The following PMFBP1 variants were observed in gnomAD, a reference collection of about 807,000 sequenced individuals.
The protein encoded by PMFBP1 is polyamine-modulated factor 1-binding protein 1.
A neutral mutation model predicts 137.8 loss-of-function variants in PMFBP1; 131 were observed. That is an observed-to-expected ratio of 0.95 (90% CI 0.82 to 1.10). PMFBP1 has a LOEUF of 1.10. Ranked by LOEUF, PMFBP1 falls within the 50% of genes least tolerant of loss-of-function variation. The pLI is 0.00. For missense variants in PMFBP1, 1,199 were observed against 1,175.4 expected, an observed-to-expected ratio of 1.02 and a Z score of -0.29; for synonymous variants, 490 against 450.4, an observed-to-expected ratio of 1.09 and a Z score of -1.11.
chr16:72,211,596 TAAAA>T, the PMFBP1 span, among the ~76,000 whole-genome samples: 4 of 151,632 alleles, frequency 2.6e-5, no homozygotes, highest in Non-Finnish European at 5.9e-5. Flanking sequence ...AAAATAAACT[TAAAA>T]AAGAAAAAAA....
chr16:72,168,278 G>C (rs1050450739), intron 2 of PMFBP1, among the ~76,000 whole-genome samples: 1 of 152,210 alleles, frequency 6.6e-6, no homozygotes, highest in Non-Finnish European at 1.5e-5. Flanking sequence ...TGCTGGGAGA[G>C]TGATCAGGTG....
At chr16:72,205,026 C>T in the PMFBP1 span, among the ~76,000 whole-genome samples, 1 of 152,210 alleles carries the variant, frequency 6.6e-6, no homozygotes, top group Admixed American at 6.5e-5. Flanking sequence ...GCCCTATGTA[C>T]TAACTACTCA....
At chr16:72,203,385 C>T in the PMFBP1 span, among the ~76,000 whole-genome samples, 1 of 152,270 alleles carries the variant, frequency 6.6e-6, no homozygotes, top group African/African-American at 2.4e-5. Flanking sequence ...TCCAACTTTC[C>T]AATGTTCCTT....
intron 6 of PMFBP1, among the ~76,000 whole-genome samples, chr16:72,139,954 T>G (rs1413338819): frequency 2.6e-5 from 4 of 152,182 alleles, no homozygotes; most frequent in Non-Finnish European, 5.9e-5. Flanking sequence ...GTATTGAAAA[T>G]TCAGTTTGTA....
At chr16:72,118,587 C>A (rs2042331131), downstream of PMFBP1, among the ~76,000 whole-genome samples, 1 of 152,184 alleles carries the variant, frequency 6.6e-6, no homozygotes, top group South Asian at 2.1e-4. Context: ...GTCTCCACTT[C>A]CTATAGACTA....
rs778205381 is a variant in PMFBP1 at position 72,130,185 on chromosome 16, G to A, written c.1782+28C>T. 2.5e-6 allele frequency: 4 copies of A among 1,607,902 alleles called. No individual in the cohort carries two copies. The South Asian group carries it at 4.4e-5, about 18-fold the overall frequency. On this transcript the variant is annotated intron_variant, in intron 12 of 20. Transcript: ENST00000237353. The stretch of plus-strand genomic sequence containing the variant: ...TTTATCTTAAGCAGAGCAAGCACTT[G>A]AATGGGCCATCTGCCTGCCCGTCAT...
chr16:72,176,567 G>T (rs993901491), upstream of PMFBP1, among the ~76,000 whole-genome samples: 1 of 152,174 alleles, frequency 6.6e-6, no homozygotes, highest in African/African-American at 2.4e-5. Context: ...ACAGCTCTTT[G>T]TTCTTCCCAC....
At chr16:72,154,044 T>C (rs913573877) in intron 4 of PMFBP1, among the ~76,000 whole-genome samples, 167 bp downstream of exon 4, 4 of 151,704 alleles carry the variant, frequency 2.6e-5, no homozygotes, top group Non-Finnish European at 5.9e-5. Flanking sequence ...TTAGTTTCCT[T>C]CTGCTCAGCT....
At chr16:72,237,688 G>C in the PMFBP1 span, among the ~76,000 whole-genome samples, 3 of 151,964 alleles carry the variant, frequency 2.0e-5, no homozygotes, top group Non-Finnish European at 2.9e-5. Flanking sequence ...GTGCAGGTTT[G>C]TTGTATAGGT....
At chr16:72,140,264 A>C (rs994140638) in intron 6 of PMFBP1, 148 bp downstream of exon 6, 4 of 790,608 alleles carry the variant, frequency 5.1e-6, no homozygotes, top group Non-Finnish European at 8.2e-6. Context: ...CATGGAGAAT[A>C]TGAACAAAGT....
At chr16:72,122,316 C>T (rs2144228974) in intron 19 of PMFBP1, among the ~76,000 whole-genome samples, 1 of 152,332 alleles carries the variant, frequency 6.6e-6, no homozygotes, top group South Asian at 2.1e-4. Context: ...TTGGGAAGCG[C>T]TGTCCTAAGG....
At chr16:72,221,064 T>C in the PMFBP1 span, among the ~76,000 whole-genome samples, 6 of 151,966 alleles carry the variant, frequency 3.9e-5, no homozygotes, top group African/African-American at 1.2e-4. Flanking sequence ...GGGTATGTGA[T>C]TGCGCTGAGA....
intron 3 of PMFBP1, among the ~76,000 whole-genome samples, chr16:72,155,986 T>C (rs1567637638): frequency 1.3e-5 from 2 of 152,030 alleles, no homozygotes; most frequent in Non-Finnish European, 2.9e-5. Context: ...TAAATAAAAA[T>C]ATATATTTAT....
chr16:72,130,671 A>T lies in PMFBP1; in HGVS notation c.1499T>A (p.Leu500Gln), dbSNP rs748324420. The change falls in exon 11 of 21, where the codon CTG becomes CAG. Residue 500 changes from leucine to glutamine, a missense_variant. Physicochemically the swap from Leu to Gln is moderately radical, Grantham distance 113. Transcript: ENST00000237353. The stretch of plus-strand genomic sequence containing the variant: ...CTGCAGTTTCCTCTGGGTGTCCTCC[A>T]GGTGACAGCCTGCCAGTGCAGCCTC... ...KEEAALAGCH[L>Q]EDTQRKLQKG... The T allele has an allele frequency of 2.5e-6, 4 of 1,613,888 alleles. No homozygotes were observed. Among genetic ancestry groups the T allele is most frequent in the Non-Finnish European group, 3.4e-6 (4 of 1,179,998 alleles).
At chr16:72,237,701 A>G in the PMFBP1 span, among the ~76,000 whole-genome samples, 1 of 151,924 alleles carries the variant, frequency 6.6e-6, no homozygotes, top group Non-Finnish European at 1.5e-5. Context: ...GTATAGGTAA[A>G]CTTGTGTTAT....
chr16:72,227,975 A>G, the PMFBP1 span, among the ~76,000 whole-genome samples: 1 of 152,218 alleles, frequency 6.6e-6, no homozygotes, highest in Non-Finnish European at 1.5e-5. Context: ...CAAGTGAAAT[A>G]TCTTCCCCGT....
Position 72,126,144 on chromosome 16 carries a change from G to A in PMFBP1, c.2089-12C>T. 6.2e-7 allele frequency: 1 copy of A among 1,613,370 alleles called. No homozygotes were observed. The highest frequency in any genetic ancestry group is 8.5e-7 in the Non-Finnish European group (1 of 1,179,690). On this transcript the variant is annotated splice_polypyrimidine_tract_variant and intron_variant, in intron 14 of 20. Transcript: ENST00000237353. ...TTCTGAAGGGCTATCTTTAAGGAGG[G>A]AGAGCAGAACTGTCAGGGTGCCAGG...
At chr16:72,179,257 C>T (rs2043268659), upstream of PMFBP1, among the ~76,000 whole-genome samples, 1 of 152,146 alleles carries the variant, frequency 6.6e-6, no homozygotes, top group South Asian at 2.1e-4. Context: ...TTCAGCTCAG[C>T]AATCAAACTG....
chr16:72,142,009 G>GA (rs5817801), intron 5 of PMFBP1, among the ~76,000 whole-genome samples: 98 of 135,598 alleles, frequency 7.2e-4, no homozygotes, highest in African/African-American at 1.1e-3. Context: ...TATACATCGT[G>GA]AAAAAAAAAA....
Sources: gnomAD v4.1 joint callset for allele counts (sites outside exome capture counted in the v4.1 genomes callset) on GRCh38, gnomAD v4.1.1 for gene constraint, MANE v1.5 for transcripts, NCBI Gene and HGNC (gene_info 2026-07-23, HGNC 2026-07-21) for gene names.